SYNE2: variants seen among roughly 807,000 people sequenced by gnomAD.
The protein encoded by SYNE2 is spectrin repeat containing nuclear envelope protein 2.
SYNE2 carries 431 observed loss-of-function variants against 856.3 expected under a neutral mutation model. The ratio of observed to expected loss-of-function variants is 0.50; its 90% CI spans 0.47 to 0.55. The LOEUF (loss-of-function observed/expected upper bound fraction) is 0.55. Ranked by LOEUF, SYNE2 falls within the 20% of genes least tolerant of loss-of-function variation. SYNE2 has a pLI of 0.00. For synonymous variants in SYNE2, 2,923 were observed against 2,872.3 expected, an observed-to-expected ratio of 1.02 and a Z score of -0.56; for missense variants, 8,129 against 8,023.2, an observed-to-expected ratio of 1.01 and a Z score of -0.50.
intron 45 of SYNE2, among the ~76,000 whole-genome samples, chr14:64,033,778 A>C (rs547521916): frequency 1.8e-4 from 28 of 152,352 alleles, no homozygotes; most frequent in African/African-American, 6.7e-4. Flanking sequence ...ATACAAATTT[A>C]AGGGTTATTG....
At chr14:64,099,159 T>C (rs983732437) in intron 63 of SYNE2, 8 of 320,216 alleles carry the variant, frequency 2.5e-5, no homozygotes, top group African/African-American at 1.7e-4. Context: ...GAACTGTATT[T>C]TTCCGCATTT....
chr14:63,779,954 A>G (rs1331137149), intron 1 of SYNE2, among the ~76,000 whole-genome samples: 1 of 152,214 alleles, frequency 6.6e-6, no homozygotes, highest in Admixed American at 6.6e-5. Context: ...CAGATGGGAA[A>G]TGAATAAGTA....
chr14:64,142,062 G>A lies in SYNE2; in HGVS notation c.15280G>A (p.Val5094Ile). 1 of 1,614,106 alleles carries A rather than the reference G, an allele frequency of 6.2e-7. No homozygotes were observed. The stretch of plus-strand genomic sequence containing the variant: ...GCATTCACCAAGTTCTGCATCTCAA[G>A]TTAAACATCTTCTTCAGAAGCACAA... ...SVHSPSSASQ[V>I]KHLLQKHKEF... Residue 5094 changes from valine (V) to isoleucine (I), a missense_variant, in exon 82 of 116, where the codon GTT (valine) becomes ATT (isoleucine). By Grantham distance (29) the Val-to-Ile change is conservative (BLOSUM62 3). Transcript: ENST00000555002.
chr14:64,051,601 T>A lies in SYNE2; in HGVS notation c.7688T>A (p.Phe2563Tyr). 6.2e-7 allele frequency: 1 copy of A among 1,613,698 alleles called. No individual in the cohort carries two copies. ...ACGTATCTGGACAAAATTAAAAAAT[T>A]CATAGCATCCATAGAAAAAGAGAAA... ...SVTYLDKIKK[F>Y]IASIEKEKDS... The change falls in exon 48 of 116, where the codon TTC (phenylalanine) becomes TAC (tyrosine). Residue 2563 changes from phenylalanine to tyrosine, a missense_variant. This residue lies in a region of SYNE2 where 5,410 missense variants were observed against 5,284.8 expected (regional missense o/e 1.02). Transcript: ENST00000555002.
At chr14:64,115,326 G>A (rs974904953) in intron 66 of SYNE2, among the ~76,000 whole-genome samples, 5 of 152,116 alleles carry the variant, frequency 3.3e-5, no homozygotes, top group Admixed American at 3.3e-4. Context: ...TTTACTGCAG[G>A]AGACCTTCCA....
At chr14:64,043,812 A>G (rs10145787) in intron 45 of SYNE2, among the ~76,000 whole-genome samples, 121,062 of 152,210 alleles carry the variant, frequency 0.8, 49,123 homozygotes, top group Non-Finnish European at 0.88. Flanking sequence ...ACCTCTGCTA[A>G]GGCAGTGCAG....
At chr14:64,055,722 G>A (rs1166687475) in intron 48 of SYNE2, among the ~76,000 whole-genome samples, 1 of 151,994 alleles carries the variant, frequency 6.6e-6, no homozygotes, top group African/African-American at 2.4e-5. Context: ...GTGTAATATT[G>A]TCAAACTGTA....
intron 2 of SYNE2, among the ~76,000 whole-genome samples, chr14:63,930,556 CAG>C (rs957026529): frequency 8.5e-5 from 12 of 141,540 alleles, no homozygotes; most frequent in African/African-American, 3.2e-4. Context: ...TTTTTAAAGA[CAG>C]AGTCCTGCTC....
chr14:64,143,790 G>T lies in SYNE2; in HGVS notation c.15325G>T (p.Asp5109Tyr). 1 of 1,614,142 alleles carries T rather than the reference G, an allele frequency of 6.2e-7. No individual in the cohort carries two copies. Among genetic ancestry groups the T allele is most frequent in the South Asian group, 1.1e-5 (1 of 91,082 alleles). ...ATTTTAGGAGTTTAGAATGGAAATG[G>T]ACTATAAACAGTGGATAGTTGACTT... Reference protein sequence around the residue: ...QKHKEFRMEMDYKQWIVDFVN... With the variant: ...QKHKEFRMEMYYKQWIVDFVN... The change falls in exon 83 of 116, where the codon GAC becomes TAC. Residue 5109 changes from aspartate to tyrosine, a missense_variant. Physicochemically the swap from Asp to Tyr is radical, Grantham distance 160 (BLOSUM62 -3). Around this residue, in one of 3 missense-constraint regions of SYNE2, gnomAD observed 5,410 missense variants for 5,284.8 expected, o/e 1.02. Coordinates refer to ENST00000555002, the MANE Select transcript of SYNE2 (RefSeq NM_182914.3).
chr14:63,815,614 A>G (rs999172863), intron 1 of SYNE2, among the ~76,000 whole-genome samples: 1 of 152,040 alleles, frequency 6.6e-6, no homozygotes, highest in Non-Finnish European at 1.5e-5. Context: ...GCATCCTTCA[A>G]TCCAATCAAG....
chr14:64,052,848 G>A lies in SYNE2; in HGVS notation c.8935G>A (p.Glu2979Lys), dbSNP rs765635097. The A allele has an allele frequency of 6.2e-6, 10 of 1,613,780 alleles. No individual in the cohort carries two copies. Among genetic ancestry groups the A allele is most frequent in the Non-Finnish European group, 7.6e-6 (9 of 1,179,948 alleles). ...TCAAGAAGTAAATAAAGGTGTTAAA[G>A]AGGAGATCTATAATCTTAAAGACAG... ...LNQEVNKGVK[E>K]EIYNLKDRLT... The change falls in exon 48 of 116, where the codon GAG (glutamate) becomes AAG (lysine). Residue 2979 changes from glutamate to lysine, a missense_variant. Coordinates refer to ENST00000555002, the MANE Select transcript of SYNE2 (RefSeq NM_182914.3).
At chr14:63,843,011 G>C (rs766012421) in intron 1 of SYNE2, among the ~76,000 whole-genome samples, 1 of 151,846 alleles carries the variant, frequency 6.6e-6, no homozygotes, top group Non-Finnish European at 1.5e-5. Context: ...TGTATGAAGG[G>C]TATTGTTTTT....
chr14:63,836,706 G>A (rs1226900299), intron 1 of SYNE2, among the ~76,000 whole-genome samples: 1 of 152,058 alleles, frequency 6.6e-6, no homozygotes. Context: ...TATTGCAATG[G>A]CCTCACAGTG....
Position 63,865,822 on chromosome 14 carries a change from C to CA in SYNE2, c.-52+12685dup, listed in dbSNP as rs1282101533. 7.4e-5 allele frequency among the ~76,000 whole-genome samples: 11 copies of CA among 149,576 alleles called. No individual in the cohort carries two copies. The East Asian group carries it at 2.2e-3, about 30-fold the overall frequency. ...AGACCTTGTTTTTACAAATCAAAAA[C>CA]AAAAAACCTGTTTCCATCTACTTCT... On this transcript the variant is annotated intron_variant, in intron 1 of 115. Coordinates refer to ENST00000555002, the MANE Select transcript of SYNE2 (RefSeq NM_182914.3).
chr14:64,041,709 G>A (rs762257264), intron 45 of SYNE2, among the ~76,000 whole-genome samples: 7 of 151,964 alleles, frequency 4.6e-5, no homozygotes, highest in Non-Finnish European at 1.0e-4. Flanking sequence ...AATTAGTTGG[G>A]TGTGGTGGTG....
At chr14:63,773,665 A>T (rs1887004768) in intron 1 of SYNE2, among the ~76,000 whole-genome samples, 1 of 152,190 alleles carries the variant, frequency 6.6e-6, no homozygotes, top group South Asian at 2.1e-4. Flanking sequence ...CGGTTCAAAC[A>T]ATCTTCCTGT....
Position 64,126,480 on chromosome 14 carries a change from G to C in SYNE2, c.13707+1G>C. The stretch of plus-strand genomic sequence containing the variant: ...TTCTGGCCAGCAGGTGCACTACGAG[G>C]TAGGGCACTTCTCACGAGCCCATGT... On this transcript the variant is annotated splice_donor_variant, in intron 72 of 115. Coordinates refer to ENST00000555002, the MANE Select transcript of SYNE2 (RefSeq NM_182914.3). LOFTEE classifies it high-confidence loss of function. The C allele has an allele frequency of 6.2e-7, 1 of 1,614,136 alleles. No homozygotes were observed. The highest frequency in any genetic ancestry group is 8.5e-7 in the Non-Finnish European group (1 of 1,180,000).
rs2098252426 is a variant in SYNE2 at position 64,152,511 on chromosome 14, T to A, written c.15640-53T>A. On this transcript the variant is annotated intron_variant, in intron 84 of 115. Transcript: ENST00000555002. ...GTGAACTCCTGTCTCTGACACCTTA[T>A]TAATTGTTTTGTAATATTGTGCATT... is the stretch of plus-strand genomic sequence containing the variant. 3.8e-6 allele frequency: 6 copies of A among 1,588,566 alleles called. 1 individual carries two copies. The South Asian group carries it at 6.7e-5, about 18-fold the overall frequency.
chr14:64,082,516 G>A (rs1213411352), intron 57 of SYNE2, among the ~76,000 whole-genome samples: 2 of 152,136 alleles, frequency 1.3e-5, no homozygotes, highest in Non-Finnish European at 2.9e-5. Flanking sequence ...TGGAGCTAGG[G>A]CCCAAAGGCT....
Sources: gnomAD v4.1 joint callset for allele counts (sites outside exome capture counted in the v4.1 genomes callset) on GRCh38, gnomAD v4.1.1 for gene constraint, gnomAD v4.1.1 regional missense constraint, MANE v1.5 for transcripts, NCBI Gene and HGNC (gene_info 2026-07-23, HGNC 2026-07-21) for gene names.